LHFPL3: variants seen among roughly 807,000 people sequenced by gnomAD.
LHFPL3 encodes the protein LHFPL tetraspan subfamily member 3.
In LHFPL3, 5 loss-of-function variants were observed where a neutral mutation model predicts 19.3. The observed-to-expected ratio is 0.26, with a 90% confidence interval of 0.14 to 0.54. LHFPL3 has a LOEUF of 0.54. LHFPL3 is among the 20% of genes least tolerant of loss of function. LHFPL3 has a pLI of 0.94. For synonymous variants in LHFPL3, 133 were observed against 126.2 expected (o/e 1.05, Z -0.36); for missense variants, 249 against 307.4 (o/e 0.81, Z 1.42).
chr7:104,334,260 TG>T lies in LHFPL3; in HGVS notation c.445+5037del, dbSNP rs370779937. Among the ~76,000 whole-genome samples the T allele has an allele frequency of 3.4e-3, 522 of 152,274 alleles. 5 individuals are homozygous for T. Among genetic ancestry groups the T allele is most frequent in the African/African-American group, 0.012 (493 of 41,534 alleles). ...GAAAAAGGACTTTAAATTTCCCATA[TG>T]TTGGGCTGGGTGCAGTGGCTCACAC... is the stretch of plus-strand genomic sequence containing the variant. On this transcript the variant is annotated intron_variant, in intron 1 of 2. Coordinates refer to ENST00000424859, the MANE Select transcript of LHFPL3 (RefSeq NM_199000.3).
intron 2 of LHFPL3, among the ~76,000 whole-genome samples, chr7:104,794,101 A>G (rs1790073404): frequency 6.6e-6 from 1 of 152,208 alleles, no homozygotes; most frequent in Non-Finnish European, 1.5e-5. Flanking sequence ...CTTATATACT[A>G]TAGAAGTATA....
At chr7:104,554,771 T>G (rs982478661) in intron 1 of LHFPL3, among the ~76,000 whole-genome samples, 2 of 152,172 alleles carry the variant, frequency 1.3e-5, no homozygotes, top group African/African-American at 4.8e-5. Context: ...CAATAGGCTG[T>G]CTGTAAGCTG....
rs533944007 is a variant in LHFPL3 at position 104,357,916 on chromosome 7, G to GA, written c.445+28697dup. 8.5e-5 allele frequency among the ~76,000 whole-genome samples: 13 copies of GA among 152,270 alleles called. No homozygotes were observed. In the East Asian group the frequency reaches 9.7e-4, roughly 11 times the overall value. ...GCAACAGCTAAATTAGTGTTTGATTGAAAAACTGGGGGTGCTGTACCCTAG... is the reference window on the plus strand; with the variant it reads ...GCAACAGCTAAATTAGTGTTTGATTGAAAAAACTGGGGGTGCTGTACCCTAG... On this transcript the variant is annotated intron_variant, in intron 1 of 2. Coordinates refer to ENST00000424859, the MANE Select transcript of LHFPL3 (RefSeq NM_199000.3).
chr7:104,367,753 A>G (rs1790524293), intron 1 of LHFPL3, among the ~76,000 whole-genome samples: 1 of 152,244 alleles, frequency 6.6e-6, no homozygotes, highest in African/African-American at 2.4e-5. Context: ...TAAAAAATTG[A>G]GTTGTAATGA....
At chr7:104,458,439 T>A (rs1792590325) in intron 1 of LHFPL3, among the ~76,000 whole-genome samples, 1 of 152,196 alleles carries the variant, frequency 6.6e-6, no homozygotes, top group Non-Finnish European at 1.5e-5. Flanking sequence ...TATGCGGTGT[T>A]ATTTCTGAGG....
intron 1 of LHFPL3, among the ~76,000 whole-genome samples, chr7:104,736,436 T>G (rs566377203): frequency 1.7e-4 from 26 of 152,166 alleles, no homozygotes; most frequent in Admixed American, 9.8e-4. Flanking sequence ...ATTCCCAGAG[T>G]TTCTTTCAAT....
rs1792421901 is a variant in LHFPL3 at position 104,669,124 on chromosome 7, T to C, written c.446-67551T>C. 3.7e-6 allele frequency: 6 copies of C among 1,612,960 alleles called. No individual in the cohort carries two copies. The East Asian group carries it at 1.3e-4, about 36-fold the overall frequency. ...GGAGGAAGATTGCCACTCTCCAACT[T>C]CTAAACCTCCCAAACCTGATCAGCC... On this transcript the variant is annotated intron_variant, in intron 1 of 2. Transcript: ENST00000424859.
At chr7:104,466,628 T>C (rs929854901) in intron 1 of LHFPL3, among the ~76,000 whole-genome samples, 2 of 152,250 alleles carry the variant, frequency 1.3e-5, no homozygotes, top group South Asian at 2.1e-4. Flanking sequence ...AATGTTTCTA[T>C]CAGTTATAAC....
At chr7:104,477,852 A>G (rs998045832) in intron 1 of LHFPL3, among the ~76,000 whole-genome samples, 9 of 152,222 alleles carry the variant, frequency 5.9e-5, no homozygotes, top group Non-Finnish European at 1.0e-4. Context: ...GTAGCACTTC[A>G]CTGAAATCTA....
At chr7:104,358,025 A>G (rs750068707) in intron 1 of LHFPL3, among the ~76,000 whole-genome samples, 20 of 152,332 alleles carry the variant, frequency 1.3e-4, no homozygotes, top group Admixed American at 6.5e-4. Flanking sequence ...AAACAATGGG[A>G]TCAGGCAATT....
chr7:104,478,581 C>T (rs1793070819), intron 1 of LHFPL3, among the ~76,000 whole-genome samples: 1 of 152,140 alleles, frequency 6.6e-6, no homozygotes, highest in Non-Finnish European at 1.5e-5. Context: ...CTTATCCTTT[C>T]ACTTCTGCTT....
intron 2 of LHFPL3, among the ~76,000 whole-genome samples, chr7:104,782,441 G>C (rs1267546324): frequency 6.6e-6 from 1 of 152,162 alleles, no homozygotes; most frequent in Non-Finnish European, 1.5e-5. Flanking sequence ...CTCTGAGTGG[G>C]AGGAAGGGAC....
intron 1 of LHFPL3, among the ~76,000 whole-genome samples, chr7:104,433,506 G>A (rs562678507): frequency 3.9e-4 from 59 of 152,268 alleles, no homozygotes; most frequent in Non-Finnish European, 5.3e-4. Context: ...ACTCCAGCAA[G>A]GTATACAAGG....
At chr7:104,445,198 C>T (rs191593603) in intron 1 of LHFPL3, among the ~76,000 whole-genome samples, 1 of 152,226 alleles carries the variant, frequency 6.6e-6, no homozygotes, top group Admixed American at 6.5e-5. Context: ...CTTAGAAATA[C>T]TTAAGTGCCT....
intron 1 of LHFPL3, among the ~76,000 whole-genome samples, chr7:104,449,650 G>C (rs1453450663): frequency 6.6e-6 from 1 of 152,080 alleles, no homozygotes; most frequent in Non-Finnish European, 1.5e-5. Flanking sequence ...TTAGTCAGAG[G>C]GTTTGCCTTA....
chr7:104,874,868 T>C (rs1362133804), intron 2 of LHFPL3, among the ~76,000 whole-genome samples: 1 of 151,518 alleles, frequency 6.6e-6, no homozygotes, highest in Non-Finnish European at 1.5e-5. Flanking sequence ...TTTTTTTTTT[T>C]AAGGGGCTCA....
At chr7:104,877,041 C>G (rs1004794628) in intron 2 of LHFPL3, among the ~76,000 whole-genome samples, 1 of 152,130 alleles carries the variant, frequency 6.6e-6, no homozygotes, top group Non-Finnish European at 1.5e-5. Flanking sequence ...AAACCAAACA[C>G]CACATGTTCT....
At chr7:104,356,673 G>A (rs1790282704) in intron 1 of LHFPL3, among the ~76,000 whole-genome samples, 1 of 152,170 alleles carries the variant, frequency 6.6e-6, no homozygotes, top group African/African-American at 2.4e-5. Flanking sequence ...GACTAATTCA[G>A]TTCAGCAAAC....
chr7:104,675,090 G>A (rs544724698), intron 1 of LHFPL3, among the ~76,000 whole-genome samples: 20 of 152,328 alleles, frequency 1.3e-4, no homozygotes, highest in East Asian at 5.8e-4. Context: ...GTCAGGTGGC[G>A]ATAAATACTT....
Sources: allele counts gnomAD v4.1 joint callset (sites outside exome capture counted in the v4.1 genomes callset), GRCh38; gene constraint gnomAD v4.1.1; transcripts MANE v1.5; gene names NCBI Gene and HGNC (gene_info 2026-07-23, HGNC 2026-07-21).